The following ITGA2 variants were observed in gnomAD, a reference collection of about 807,000 sequenced individuals.
The protein encoded by ITGA2 is integrin subunit alpha 2, also known as integrin alpha-2.
ITGA2 carries 101 observed loss-of-function variants against 146.3 expected under a neutral mutation model. The ratio of observed to expected loss-of-function variants is 0.69; its 90% CI spans 0.59 to 0.81. The LOEUF is 0.81. ITGA2 is among the 40% of genes least tolerant of loss of function. ITGA2 has a pLI of 0.00. For missense variants in ITGA2, 1,281 were observed against 1,402.7 expected, an observed-to-expected ratio of 0.91 and a Z score of 1.39; for synonymous variants, 477 against 487.1, an observed-to-expected ratio of 0.98 and a Z score of 0.27.
At chr5:53,041,338 C>T (rs968824509) in intron 2 of ITGA2, among the ~76,000 whole-genome samples, 1 of 152,194 alleles carries the variant, frequency 6.6e-6, no homozygotes, top group African/African-American at 2.4e-5. Context: ...AAACACCAAT[C>T]TCATCCTGTA....
At chr5:53,046,757 A>G (rs1744112074) in intron 4 of ITGA2, among the ~76,000 whole-genome samples, 1 of 152,086 alleles carries the variant, frequency 6.6e-6, no homozygotes, top group African/African-American at 2.4e-5. Flanking sequence ...TAGAAGGTCA[A>G]AATCATAAGA....
At chr5:53,072,764 C>G in intron 19 of ITGA2, 69 bp downstream of exon 19, 1 of 1,268,978 alleles carries the variant, frequency 7.9e-7, no homozygotes, top group Non-Finnish European at 1.1e-6. Flanking sequence ...TTTATTCAAA[C>G]GAATGTTTAT....
At chr5:53,002,286 G>T (rs1441373140) in intron 1 of ITGA2, among the ~76,000 whole-genome samples, 1 of 151,940 alleles carries the variant, frequency 6.6e-6, no homozygotes, top group African/African-American at 2.4e-5. Flanking sequence ...TAACTGTGAA[G>T]TAAATGTGTC....
intron 17 of ITGA2, among the ~76,000 whole-genome samples, chr5:53,070,628 A>G (rs1408099601): frequency 6.6e-6 from 1 of 151,950 alleles, no homozygotes; most frequent in Non-Finnish European, 1.5e-5. Context: ...TCAGCTACTG[A>G]AAAATAACTC....
intron 21 of ITGA2, 138 bp downstream of exon 21, chr5:53,074,615 T>C (rs2112006408): frequency 6.9e-6 from 5 of 719,528 alleles, no homozygotes; most frequent in Middle Eastern, 2.3e-4. Flanking sequence ...AAGTTTTCAA[T>C]ATCTAAATGT....
At chr5:53,056,298 A>G (rs947702593) in intron 9 of ITGA2, 149 bp downstream of exon 9, 4 of 646,298 alleles carry the variant, frequency 6.2e-6, no homozygotes, top group Admixed American at 3.1e-5. Flanking sequence ...AAAAACATGA[A>G]TAAATAGTTT....
intron 13 of ITGA2, among the ~76,000 whole-genome samples, chr5:53,064,039 A>C (rs1478043420): frequency 6.6e-6 from 1 of 151,932 alleles, no homozygotes; most frequent in African/African-American, 2.4e-5. Context: ...ATACTTGATC[A>C]TAAAATTGAA....
At chr5:53,083,309 C>G (rs764340325) in intron 26 of ITGA2, 31 bp from the exon 27 acceptor site, 1 of 1,359,760 alleles carries the variant, frequency 7.4e-7, no homozygotes, top group Non-Finnish European at 1.1e-6. Flanking sequence ...CTAACTTGCT[C>G]TCTCTTTTAC....
chr5:53,059,835 T>C, intron 10 of ITGA2, 39 bp from the exon 11 acceptor site: 1 of 1,600,782 alleles, frequency 6.2e-7, no homozygotes, highest in African/African-American at 1.3e-5. Context: ...GTTTTAAAGG[T>C]GATTTGTTTC....
chr5:53,001,047 G>A (rs1413961701), intron 1 of ITGA2, among the ~76,000 whole-genome samples: 1 of 151,700 alleles, frequency 6.6e-6, no homozygotes, highest in East Asian at 1.9e-4. Flanking sequence ...TAATACAGGT[G>A]TGTACCACCA....
chr5:53,088,750 C>T (rs990107015), intron 28 of ITGA2, among the ~76,000 whole-genome samples: 8 of 150,704 alleles, frequency 5.3e-5, no homozygotes, highest in Admixed American at 1.3e-4. Flanking sequence ...ATTACTTTTG[C>T]ACCAGCTTAA....
Position 53,055,991 on chromosome 5 carries a change from G to A in ITGA2, c.938G>A (p.Gly313Glu). The part of the protein sequence containing the change: ...NILRFGIAVL[G>E]YLNRNALDTK... Reference sequence around the variant, plus strand: ...TCTTCCTCTATTTTCAAGGTTCTTGGGTACTTAAACAGAAACGCCCTTGAT... The same window carrying A: ...TCTTCCTCTATTTTCAAGGTTCTTGAGTACTTAAACAGAAACGCCCTTGAT... The change falls in exon 9 of 30, where the codon GGG becomes GAG. Residue 313 changes from glycine to glutamate, a missense_variant. Gly to Glu is a moderately conservative substitution (Grantham distance 98). Transcript: ENST00000296585. The A allele has an allele frequency of 6.2e-7, 1 of 1,608,720 alleles. No homozygotes were observed.
intron 28 of ITGA2, among the ~76,000 whole-genome samples, chr5:53,088,005 G>A (rs13357783): frequency 0.11 from 16,910 of 152,148 alleles, 1,138 homozygotes; most frequent in African/African-American, 0.18. Context: ...ATGATTCTAC[G>A]CAACAGAGCA....
At chr5:53,057,934 A>G in intron 9 of ITGA2, 91 bp from the exon 10 acceptor site, 2 of 837,938 alleles carry the variant, frequency 2.4e-6, no homozygotes, top group Non-Finnish European at 4.1e-6. Context: ...TTGTGTTTGT[A>G]GGCATGTGTG....
chr5:53,092,382 T>G lies in ITGA2; in HGVS notation c.*1783T>G, dbSNP rs569836214. ...AAAAAAATGTCAAAGGAAAACAGGT[T>G]ATCTGCCCATGTGCATATGGACAAC... On this transcript the variant is annotated 3_prime_UTR_variant, in exon 30 of 30. Transcript: ENST00000296585. The G allele has an allele frequency of 6.6e-6, 1 of 152,276 alleles. No homozygotes were observed. The highest frequency in any genetic ancestry group is 2.1e-4 in the South Asian group (1 of 4,826). 9.4% of individuals were successfully genotyped at this position (152,276 alleles called of 1,614,324 possible).
intron 1 of ITGA2, among the ~76,000 whole-genome samples, chr5:52,993,167 A>T (rs1741060208): frequency 6.6e-6 from 1 of 152,196 alleles, no homozygotes; most frequent in Non-Finnish European, 1.5e-5. Flanking sequence ...AGCTTGAGGT[A>T]ACCTACCTTT....
At chr5:52,996,074 A>G (rs577329514) in intron 1 of ITGA2, among the ~76,000 whole-genome samples, 1 of 152,196 alleles carries the variant, frequency 6.6e-6, no homozygotes, top group Non-Finnish European at 1.5e-5. Context: ...CGGCCAGAGG[A>G]GTAATGGAAG....
rs1482536874 is a variant in ITGA2, at chr5:53,094,664, A to G, written c.*4065A>G. ...CAGTTAGTAGTTTTTCTCATATCCA[A>G]GTATAACAAACAGAAAAGTTTCATT... On this transcript the variant is annotated 3_prime_UTR_variant, in exon 30 of 30. Coordinates refer to ENST00000296585, the MANE Select transcript of ITGA2 (RefSeq NM_002203.4). The G allele has an allele frequency of 2.0e-5, 3 of 152,228 alleles. No individual in the cohort carries two copies. The highest frequency in any genetic ancestry group is 3.8e-4 in the East Asian group (2 of 5,202). 9.4% of individuals were successfully genotyped at this position (152,228 alleles called of 1,614,324 possible).
At chr5:53,050,181 A>G (rs969601962) in intron 6 of ITGA2, among the ~76,000 whole-genome samples, 6 of 152,164 alleles carry the variant, frequency 3.9e-5, no homozygotes, top group Non-Finnish European at 8.8e-5. Flanking sequence ...TAAGTCTCCT[A>G]TATAGAATTC....
Sources: gnomAD v4.1 joint callset for allele counts (sites outside exome capture counted in the v4.1 genomes callset) on GRCh38, gnomAD v4.1.1 for gene constraint, MANE v1.5 for transcripts, NCBI Gene and HGNC (gene_info 2026-07-23, HGNC 2026-07-21) for gene names.